Variants in R3HDM2 observed in about 807,000 individuals in gnomAD.
R3HDM2 encodes the protein R3H domain containing 2.
In R3HDM2, 38 loss-of-function variants were observed where a neutral mutation model predicts 124.5. That is an observed-to-expected ratio of 0.31 (90% CI 0.24 to 0.40). The LOEUF (loss-of-function observed/expected upper bound fraction) is 0.40. R3HDM2 is among the 10% of genes least tolerant of loss of function. The probability of loss-of-function intolerance (pLI) is 1.00; values close to 1 mark genes in which losing one functional copy is unlikely to be tolerated. For missense variants in R3HDM2, 869 were observed against 1,236.9 expected (o/e 0.70, Z 4.46); for synonymous variants, 391 against 448.0 (o/e 0.87, Z 1.61).
chr12:57,261,859 G>C (rs981859765), intron 19 of R3HDM2, among the ~76,000 whole-genome samples: 2 of 152,008 alleles, frequency 1.3e-5, no homozygotes, highest in African/African-American at 4.8e-5. Context: ...AAGTGGGAGG[G>C]GGGGTTGAAT....
intron 2 of R3HDM2, among the ~76,000 whole-genome samples, chr12:57,380,427 G>T (rs565225998): frequency 2.2e-4 from 33 of 152,252 alleles, no homozygotes; most frequent in African/African-American, 7.7e-4. Context: ...TGATGGCTGG[G>T]AAAAGAGAAT....
intron 2 of R3HDM2, among the ~76,000 whole-genome samples, chr12:57,323,550 G>A (rs2056800979): frequency 6.6e-6 from 1 of 152,208 alleles, no homozygotes; most frequent in African/African-American, 2.4e-5. Context: ...AACTGCAAAA[G>A]GATTCACTGG....
In R3HDM2 at chr12:57,315,672, T is replaced by C. The variant is rs536789569; in HGVS notation, c.-35-5209A>G. On this transcript the variant is annotated intron_variant, in intron 2 of 23. Coordinates refer to ENST00000402412, the MANE Select transcript of R3HDM2 (RefSeq NM_001394031.1). ...ACACTGAACACAAACAAATAAAAAA[T>C]GATCTTTCATCTGTAGAATATGGTC... Among the ~76,000 whole-genome samples the C allele has an allele frequency of 7.2e-5, 11 of 152,284 alleles. No individual in the cohort carries two copies. In the South Asian group the frequency reaches 2.3e-3, roughly 32 times the overall value.
intron 23 of R3HDM2, among the ~76,000 whole-genome samples, chr12:57,255,442 G>C (rs1258469227): frequency 6.6e-6 from 1 of 152,164 alleles, no homozygotes; most frequent in Non-Finnish European, 1.5e-5. Context: ...TGTGGCTTTT[G>C]CTAATGTTCT....
At chr12:57,358,158 T>C (rs993811848) in intron 2 of R3HDM2, among the ~76,000 whole-genome samples, 13 of 137,924 alleles carry the variant, frequency 9.4e-5, no homozygotes, top group Admixed American at 2.2e-4. Flanking sequence ...TTTTTTTTTT[T>C]CTATTTTTAG....
intron 2 of R3HDM2, among the ~76,000 whole-genome samples, chr12:57,368,859 C>T (rs1001853718): frequency 2.6e-5 from 4 of 152,104 alleles, no homozygotes; most frequent in Admixed American, 1.3e-4. Flanking sequence ...GGTGATCTTG[C>T]GGACCCCCCC....
intron 11 of R3HDM2, 57 bp downstream of exon 11, chr12:57,292,515 T>G: frequency 8.3e-7 from 1 of 1,209,808 alleles, no homozygotes; most frequent in Non-Finnish European, 1.2e-6. Flanking sequence ...CCATTCACAG[T>G]TCCAATGATT....
At chr12:57,334,478 CT>C (rs542776584) in intron 2 of R3HDM2, among the ~76,000 whole-genome samples, 186 of 145,620 alleles carry the variant, frequency 1.3e-3, no homozygotes, top group South Asian at 0.012. Flanking sequence ...TTTCCCTTGC[CT>C]TTTTTTTTTT....
At chr12:57,287,404 T>C (rs767184113) in intron 12 of R3HDM2, among the ~76,000 whole-genome samples, 123 of 152,166 alleles carry the variant, frequency 8.1e-4, no homozygotes, top group Non-Finnish European at 2.5e-4. Context: ...GGGGACTCTA[T>C]CTATCTCTAC....
At chr12:57,280,152 C>A (rs964349276) in intron 14 of R3HDM2, among the ~76,000 whole-genome samples, 1 of 152,132 alleles carries the variant, frequency 6.6e-6, no homozygotes, top group African/African-American at 2.4e-5. Context: ...AGCAAAAAAC[C>A]CCCAAGCTGA....
At chr12:57,396,633 G>A (rs1165422843) in intron 1 of R3HDM2, among the ~76,000 whole-genome samples, 1 of 151,732 alleles carries the variant, frequency 6.6e-6, no homozygotes, top group Non-Finnish European at 1.5e-5. Context: ...ACAAAAATTA[G>A]CCAAGTGTGT....
At chr12:57,281,260 C>G (rs578229424) in intron 13 of R3HDM2, among the ~76,000 whole-genome samples, 2 of 140,450 alleles carry the variant, frequency 1.4e-5, no homozygotes, top group African/African-American at 5.2e-5. Flanking sequence ...ACACTCCAGC[C>G]TGGGCGACAA....
chr12:57,301,367 A>G (rs2051114899), intron 4 of R3HDM2, among the ~76,000 whole-genome samples: 1 of 152,252 alleles, frequency 6.6e-6, no homozygotes, highest in Non-Finnish European at 1.5e-5. Context: ...CAAGGATTAC[A>G]GTAAATACCA....
chr12:57,393,802 T>C (rs977746394), intron 2 of R3HDM2, among the ~76,000 whole-genome samples: 1 of 152,208 alleles, frequency 6.6e-6, no homozygotes, highest in African/African-American at 2.4e-5. Flanking sequence ...AAAGAGAATC[T>C]TGAAAGCGGC....
chr12:57,425,986 G>A (rs1163108663), intron 1 of R3HDM2, among the ~76,000 whole-genome samples: 1 of 152,128 alleles, frequency 6.6e-6, no homozygotes, highest in Non-Finnish European at 1.5e-5. Context: ...CCAGCACTTC[G>A]GGAGGCCGAG....
intron 14 of R3HDM2, among the ~76,000 whole-genome samples, chr12:57,277,935 AAAAG>A (rs936082569): frequency 1.3e-5 from 2 of 152,282 alleles, no homozygotes; most frequent in East Asian, 3.9e-4. Flanking sequence ...AAAAGAAAGC[AAAAG>A]AAAGAAAGAA....
intron 14 of R3HDM2, chr12:57,272,700 T>C (rs2043867082): frequency 1.7e-6 from 1 of 602,244 alleles, no homozygotes. Context: ...AAATTTCACA[T>C]GAGTAGCACG....
At chr12:57,363,628 A>ACC (rs1307123322) in intron 2 of R3HDM2, among the ~76,000 whole-genome samples, 7 of 152,214 alleles carry the variant, frequency 4.6e-5, no homozygotes. Flanking sequence ...TATGCTAATT[A>ACC]CCCTCATCTG....
intron 2 of R3HDM2, among the ~76,000 whole-genome samples, chr12:57,358,635 C>T (rs1264526874): frequency 6.8e-6 from 1 of 146,808 alleles, no homozygotes; most frequent in Non-Finnish European, 1.5e-5. Flanking sequence ...CAGAATGAGA[C>T]TCCATCTCAA....
Sources: gnomAD v4.1 joint callset for allele counts (sites outside exome capture counted in the v4.1 genomes callset) on GRCh38, gnomAD v4.1.1 for gene constraint, MANE v1.5 for transcripts, NCBI Gene and HGNC (gene_info 2026-07-23, HGNC 2026-07-21) for gene names.